MAST4: variants seen among roughly 807,000 people sequenced by gnomAD.
The protein encoded by MAST4 is microtubule-associated serine/threonine-protein kinase 4.
A neutral mutation model predicts 162.7 loss-of-function variants in MAST4; 89 were observed. The ratio of observed to expected loss-of-function variants is 0.55; its 90% CI spans 0.46 to 0.65. MAST4 has a LOEUF of 0.65. Among genes scored for constraint, MAST4 ranks in the 30% least tolerant of loss-of-function variants. The pLI, the probability that MAST4 is intolerant of heterozygous loss-of-function variation, is 0.00. For missense variants in MAST4, 3,153 were observed against 3,374.0 expected (o/e 0.93, Z 1.62); for synonymous variants, 1,479 against 1,361.1 (o/e 1.09, Z -1.91).
At chr5:66,720,070 C>T (rs562949197) in intron 1 of MAST4, among the ~76,000 whole-genome samples, 5 of 152,226 alleles carry the variant, frequency 3.3e-5, no homozygotes, top group African/African-American at 4.8e-5. Flanking sequence ...CTGAGGTTAA[C>T]GCAAAGGCCT....
chr5:67,030,696 A>G (rs780302085), intron 4 of MAST4, among the ~76,000 whole-genome samples: 6 of 152,166 alleles, frequency 3.9e-5, no homozygotes, highest in Non-Finnish European at 8.8e-5. Flanking sequence ...CCATACAAAC[A>G]TTGTATATTT....
intron 1 of MAST4, among the ~76,000 whole-genome samples, chr5:66,673,696 G>A (rs775201821): frequency 1.8e-4 from 27 of 151,946 alleles, no homozygotes; most frequent in African/African-American, 6.5e-4. Flanking sequence ...AGGTTTCACC[G>A]TGTTGGCCAG....
chr5:66,986,616 A>ATATATATT lies in MAST4; in HGVS notation c.675-67785_675-67784insATATTTAT, dbSNP rs1554077141. On this transcript the variant is annotated intron_variant, in intron 4 of 28. Transcript: ENST00000403625. ...TGTATGAATTTATATATATATATAT[A>ATATATATT]TATTTATTTATTTATTTATTTTGAG... 1,514 of 199,714 alleles carry ATATATATT rather than the reference A, an allele frequency of 7.6e-3. 25 individuals are homozygous for ATATATATT. Among genetic ancestry groups the ATATATATT allele is most frequent in the African/African-American group, 0.03 (1,232 of 40,554 alleles). The allele number at this position is 199,714 out of a possible 1,614,324, so 12.4% of individuals were successfully genotyped here.
At chr5:67,078,938 A>AT (rs1561622719) in intron 5 of MAST4, among the ~76,000 whole-genome samples, 4 of 94,396 alleles carry the variant, frequency 4.2e-5, no homozygotes, top group African/African-American at 2.0e-4. Flanking sequence ...ATATATATAT[A>AT]TATATATATA....
chr5:67,033,336 T>TGTGTGTGTGTGG (rs1239590660), intron 4 of MAST4, among the ~76,000 whole-genome samples: 64 of 132,280 alleles, frequency 4.8e-4, no homozygotes, highest in Non-Finnish European at 9.3e-4. Context: ...TGTGTGTGTG[T>TGTGTGTGTGTGG]GTGTGTGTGG....
chr5:66,620,551 A>G lies in MAST4; in HGVS notation c.363+23533A>G, dbSNP rs113325789. Among the ~76,000 whole-genome samples, 1,099 of 152,290 alleles carry G rather than the reference A, an allele frequency of 7.2e-3. 13 individuals are homozygous for G. The highest frequency in any genetic ancestry group is 0.025 in the African/African-American group (1,019 of 41,568). ...ATGGCCTTTAGTAAAACAAAACAATATGTGACATTTCTGTAGAAATGCTGT... is the reference window on the plus strand; with the variant it reads ...ATGGCCTTTAGTAAAACAAAACAATGTGTGACATTTCTGTAGAAATGCTGT... On this transcript the variant is annotated intron_variant, in intron 1 of 28. Coordinates refer to ENST00000403625, the MANE Select transcript of MAST4 (RefSeq NM_001164664.2).
Position 67,049,351 on chromosome 5 carries a change from A to G in MAST4, c.675-5053A>G, listed in dbSNP as rs76596490. Among the ~76,000 whole-genome samples the G allele has an allele frequency of 6.8e-3, 1,032 of 152,174 alleles. 7 individuals are homozygous for G. Among genetic ancestry groups the G allele is most frequent in the Middle Eastern group, 0.014 (4 of 294 alleles). ...ATGAATATTTATCTCATCTGTTTCAATCCCTTCATTGTGAAGAAATGGAGA... is the reference window on the plus strand; with the variant it reads ...ATGAATATTTATCTCATCTGTTTCAGTCCCTTCATTGTGAAGAAATGGAGA... On this transcript the variant is annotated intron_variant, in intron 4 of 28. Transcript: ENST00000403625.
rs1348823863 is a variant in MAST4, at chr5:67,137,347, G to T, written c.2494+683G>T. Among the ~76,000 whole-genome samples, 5 of 152,170 alleles carry T rather than the reference G, an allele frequency of 3.3e-5. No homozygotes were observed. The East Asian group carries it at 9.6e-4, about 29-fold the overall frequency. On this transcript the variant is annotated intron_variant, in intron 19 of 28. Transcript: ENST00000403625. ...TGAATAGACAGACTTAGCAATCCCA[G>T]TATAGAGTCCCAGTCTGCCCAAGTA...
chr5:66,684,354 G>T (rs1030733623), intron 1 of MAST4, among the ~76,000 whole-genome samples: 1 of 78,732 alleles, frequency 1.3e-5, no homozygotes, highest in African/African-American at 8.7e-5. Context: ...TTTTCTTCCA[G>T]CTATTTTTTT....
intron 4 of MAST4, among the ~76,000 whole-genome samples, chr5:66,952,791 C>A (rs1377735594): frequency 6.6e-6 from 1 of 151,572 alleles, no homozygotes; most frequent in East Asian, 1.9e-4. Context: ...CATGACCTGG[C>A]AATTTTCATC....
intron 4 of MAST4, among the ~76,000 whole-genome samples, chr5:67,004,444 C>T (rs1430124094): frequency 6.6e-6 from 1 of 152,180 alleles, no homozygotes; most frequent in Non-Finnish European, 1.5e-5. Flanking sequence ...GAGGGGAGGG[C>T]AAGAGCAGCT....
chr5:66,989,709 A>AT (rs1219606901), intron 4 of MAST4, among the ~76,000 whole-genome samples: 2 of 152,044 alleles, frequency 1.3e-5, no homozygotes, highest in South Asian at 2.1e-4. Flanking sequence ...ACTAAGCAAA[A>AT]TTTTTTTTCA....
chr5:66,808,401 G>T (rs1463797273), intron 3 of MAST4, among the ~76,000 whole-genome samples: 2 of 152,152 alleles, frequency 1.3e-5, no homozygotes, highest in Non-Finnish European at 2.9e-5. Flanking sequence ...TAACATTCAT[G>T]TCAAATAGCC....
chr5:66,763,457 G>T (rs1753942991), intron 2 of MAST4, among the ~76,000 whole-genome samples: 1 of 152,060 alleles, frequency 6.6e-6, no homozygotes, highest in Admixed American at 6.6e-5. Context: ...TATGTCAAGA[G>T]AATTAACCTT....
intron 4 of MAST4, among the ~76,000 whole-genome samples, chr5:67,014,007 C>G (rs2150361668): frequency 1.3e-5 from 2 of 152,108 alleles, no homozygotes; most frequent in African/African-American, 4.8e-5. Context: ...TGGCTAATCT[C>G]AAGACTTTTG....
intron 3 of MAST4, among the ~76,000 whole-genome samples, chr5:66,827,852 A>C (rs1162220999): frequency 6.6e-6 from 1 of 152,194 alleles, no homozygotes; most frequent in East Asian, 1.9e-4. Context: ...AGGAGGAATA[A>C]TTTATTATGA....
At chr5:67,155,920 C>T (rs1488942706) in intron 26 of MAST4, among the ~76,000 whole-genome samples, 2 of 151,860 alleles carry the variant, frequency 1.3e-5, no homozygotes, top group African/African-American at 2.4e-5. Context: ...ATTAGCTGGG[C>T]GTGGTGGTGG....
chr5:66,609,709 T>TTTTTTTTTTGTTTTG (rs1561210762), intron 1 of MAST4, among the ~76,000 whole-genome samples: 1 of 145,980 alleles, frequency 6.9e-6, no homozygotes, highest in African/African-American at 2.5e-5. Flanking sequence ...TTTTTTGTTT[T>TTTTTTTTTTGTTTTG]TTTTTTTTTG....
chr5:67,082,436 C>T (rs1762779188), intron 5 of MAST4, among the ~76,000 whole-genome samples: 1 of 152,092 alleles, frequency 6.6e-6, no homozygotes, highest in Non-Finnish European at 1.5e-5. Context: ...GCCAGCCTAC[C>T]TGCAGTCTTT....
Sources: gnomAD v4.1 joint callset for allele counts (sites outside exome capture counted in the v4.1 genomes callset) on GRCh38, gnomAD v4.1.1 for gene constraint, MANE v1.5 for transcripts, NCBI Gene and HGNC (gene_info 2026-07-23, HGNC 2026-07-21) for gene names.